FBXL4: variants seen among roughly 807,000 people sequenced by gnomAD.
The protein encoded by FBXL4 is F-box/LRR-repeat protein 4.
FBXL4 carries 40 observed loss-of-function variants against 58.9 expected under a neutral mutation model. That is an observed-to-expected ratio of 0.68 (90% CI 0.53 to 0.88). The LOEUF is 0.88. Among genes scored for constraint, FBXL4 ranks in the 40% least tolerant of loss-of-function variants. The probability of loss-of-function intolerance (pLI) is 0.00; values close to 1 mark genes in which losing one functional copy is unlikely to be tolerated. For missense variants in FBXL4, 676 were observed against 734.4 expected (o/e 0.92, Z 0.92); for synonymous variants, 263 against 265.5 (o/e 0.99, Z 0.09).
In FBXL4 at chr6:98,905,538, T is replaced by C. The variant is rs749668327; in HGVS notation, c.991A>G (p.Lys331Glu). The C allele has an allele frequency of 1.6e-5, 26 of 1,614,002 alleles. No homozygotes were observed. In the South Asian group the frequency reaches 2.7e-4, roughly 17 times the overall value. Residue 331 changes from lysine to glutamate, a missense_variant, in exon 6 of 10, where the codon AAA becomes GAA. By Grantham distance (56) the Lys-to-Glu change is moderately conservative. Transcript: ENST00000369244. ...AATTCCAGAGAAGTGTCATCTAGTTTTGCCCAGTATGGTTGCAGATTGAGG... is the reference window on the plus strand; with the variant it reads ...AATTCCAGAGAAGTGTCATCTAGTTCTGCCCAGTATGGTTGCAGATTGAGG... ...IHLNLQPYWAKLDDTSLEFLQ... is the reference protein window; with the variant it reads ...IHLNLQPYWAELDDTSLEFLQ...
chr6:98,918,943 CAT>C (rs1455999096), intron 4 of FBXL4, among the ~76,000 whole-genome samples: 3 of 151,958 alleles, frequency 2.0e-5, no homozygotes, highest in African/African-American at 7.2e-5. Context: ...ATTCATTAAT[CAT>C]ATGAGATTTT....
chr6:98,885,067 G>A (rs1012755350), intron 7 of FBXL4, among the ~76,000 whole-genome samples: 1 of 152,140 alleles, frequency 6.6e-6, no homozygotes, highest in Non-Finnish European at 1.5e-5. Context: ...GCCTTACTAG[G>A]CCATGGGGTA....
intron 7 of FBXL4, chr6:98,897,389 T>C (rs1771445964): frequency 2.0e-6 from 2 of 975,678 alleles, no homozygotes; most frequent in South Asian, 9.5e-5. Flanking sequence ...ACAATAATTA[T>C]TTCATTTTAC....
rs1007558883 is a variant in FBXL4, at chr6:98,926,882, C to T, written c.107G>A (p.Arg36Lys). 6.2e-7 allele frequency: 1 copy of T among 1,614,166 alleles called. No individual in the cohort carries two copies. Reference sequence around the variant, plus strand: ...AGTCTGGCTGTTTGATTCTATAGCTCTATGGGTGTTCATCATTTCTCCTCT... The same window carrying T: ...AGTCTGGCTGTTTGATTCTATAGCTTTATGGGTGTTCATCATTTCTCCTCT... Reference protein sequence around the residue: ...ATRGEMMNTHRAIESNSQTSP... With the variant: ...ATRGEMMNTHKAIESNSQTSP... The change falls in exon 4 of 10, where the codon AGA (arginine) becomes AAA (lysine). Residue 36 changes from arginine to lysine, a missense_variant. Transcript: ENST00000369244.
chr6:98,902,585 A>G (rs1395610080), intron 6 of FBXL4, among the ~76,000 whole-genome samples: 1 of 152,152 alleles, frequency 6.6e-6, no homozygotes, highest in East Asian at 1.9e-4. Context: ...AATGTTTCCT[A>G]AAGGAATGAA....
intron 8 of FBXL4, among the ~76,000 whole-genome samples, chr6:98,880,016 A>G (rs970803409): frequency 6.7e-6 from 1 of 150,236 alleles, no homozygotes; most frequent in Non-Finnish European, 1.5e-5. Context: ...CTAGGCTTTT[A>G]TATTTCACAG....
intron 1 of FBXL4, among the ~76,000 whole-genome samples, chr6:98,941,423 C>T (rs1773427177): frequency 1.3e-5 from 2 of 152,098 alleles, no homozygotes; most frequent in African/African-American, 2.4e-5. Flanking sequence ...GAGAAATTGA[C>T]TAAAGTAACC....
intron 6 of FBXL4, among the ~76,000 whole-genome samples, chr6:98,902,693 T>C (rs1246813298): frequency 1.3e-5 from 2 of 150,426 alleles, no homozygotes; most frequent in African/African-American, 4.9e-5. Context: ...TGAAGAAAAA[T>C]GGTAGGGAAA....
intron 4 of FBXL4, 93 bp from the exon 5 acceptor site, chr6:98,917,812 T>A: frequency 1.2e-6 from 1 of 826,836 alleles, no homozygotes; most frequent in Non-Finnish European, 1.8e-6. Context: ...TGTCACAGTG[T>A]GAAACAAAGT....
chr6:98,939,846 T>C (rs1354676907), intron 1 of FBXL4, among the ~76,000 whole-genome samples: 5 of 152,222 alleles, frequency 3.3e-5, no homozygotes, highest in African/African-American at 9.6e-5. Flanking sequence ...TAATACACAA[T>C]TTACTAGAGA....
In FBXL4 at chr6:98,873,048, A is replaced by G. The variant is rs1279745644; in HGVS notation, c.*1230T>C. On this transcript the variant is annotated 3_prime_UTR_variant, in exon 10 of 10. Transcript: ENST00000369244. ...AATGAATTAATTCTGCTACTCAGAA[A>G]GTAGACAGAAAATATTTTGTGGCAT... is the stretch of plus-strand genomic sequence containing the variant. 1 of 152,070 alleles carries G rather than the reference A, an allele frequency of 6.6e-6. No individual in the cohort carries two copies. The highest frequency in any genetic ancestry group is 6.6e-5 in the Admixed American group (1 of 15,248). 9.4% of individuals were successfully genotyped at this position (152,070 alleles called of 1,614,324 possible).
intron 7 of FBXL4, among the ~76,000 whole-genome samples, chr6:98,889,447 T>A (rs1771147954): frequency 6.6e-6 from 1 of 152,114 alleles, no homozygotes; most frequent in Non-Finnish European, 1.5e-5. Context: ...TTTGGGAGGC[T>A]GAGGTGGGCA....
rs1469563753 is a variant in FBXL4, at chr6:98,869,611, TAG to T, written c.*4665_*4666del. ...GCCACTGCACTCCAGCCTGGGGCAA[TAG>T]AGTGAGACCCTGTCTCAAATATGTA... On this transcript the variant is annotated 3_prime_UTR_variant, in exon 10 of 10. Coordinates refer to ENST00000369244, the MANE Select transcript of FBXL4 (RefSeq NM_001278716.2). 1.3e-5 allele frequency: 2 copies of T among 152,024 alleles called. No individual in the cohort carries two copies. The highest frequency in any genetic ancestry group is 2.9e-5 in the Non-Finnish European group (2 of 68,046). 9.4% of individuals were successfully genotyped at this position (152,024 alleles called of 1,614,324 possible).
At chr6:98,943,832 T>G (rs1773523303) in intron 1 of FBXL4, among the ~76,000 whole-genome samples, 1 of 152,052 alleles carries the variant, frequency 6.6e-6, no homozygotes, top group African/African-American at 2.4e-5. Flanking sequence ...AAAAAATCAC[T>G]AAACAGGGCA....
At chr6:98,879,731 T>G (rs1770780415) in intron 8 of FBXL4, among the ~76,000 whole-genome samples, 1 of 151,456 alleles carries the variant, frequency 6.6e-6, no homozygotes, top group Non-Finnish European at 1.5e-5. Flanking sequence ...CCCAATATGG[T>G]GAAACCCAAG....
chr6:98,937,390 AAC>A (rs1335773117), intron 1 of FBXL4, among the ~76,000 whole-genome samples: 2 of 152,232 alleles, frequency 1.3e-5, no homozygotes, highest in African/African-American at 4.8e-5. Flanking sequence ...CAATAACATA[AAC>A]AGTTGATTAA....
Position 98,899,581 on chromosome 6 carries a change from T to G in FBXL4, c.1104-100A>C, listed in dbSNP as rs985442926. On this transcript the variant is annotated intron_variant, in intron 6 of 9. Transcript: ENST00000369244. The stretch of plus-strand genomic sequence containing the variant: ...CTCTAAGTAGATACATTTGAAAGAA[T>G]AGATTTCTATTAGGGAAAATGTAAA... 3 of 1,300,116 alleles carry G rather than the reference T, an allele frequency of 2.3e-6. No individual in the cohort carries two copies. The Admixed American group carries it at 8.3e-5, about 36-fold the overall frequency. The allele number at this position is 1,300,116 out of a possible 1,614,324, so 80.5% of individuals were successfully genotyped here.
intron 1 of FBXL4, among the ~76,000 whole-genome samples, chr6:98,938,995 C>T (rs1018896231): frequency 6.8e-6 from 1 of 148,066 alleles, no homozygotes; most frequent in African/African-American, 2.5e-5. Flanking sequence ...GGACTGTTTC[C>T]ACCTCAGGAG....
At chr6:98,943,243 T>A (rs1026705914) in intron 1 of FBXL4, among the ~76,000 whole-genome samples, 86 of 151,844 alleles carry the variant, frequency 5.7e-4, no homozygotes, top group Non-Finnish European at 9.9e-4. Flanking sequence ...TGATCTTTTT[T>A]AAAAGTTTTA....
Sources: allele counts gnomAD v4.1 joint callset (sites outside exome capture counted in the v4.1 genomes callset), GRCh38; gene constraint gnomAD v4.1.1; transcripts MANE v1.5; gene names NCBI Gene and HGNC (gene_info 2026-07-23, HGNC 2026-07-21).